The following RPA3 variants were observed in gnomAD, a reference collection of about 807,000 sequenced individuals.
RPA3 encodes the protein replication protein A3, also known as replication protein A 14 kDa subunit.
In RPA3, 24 loss-of-function variants were observed where a neutral mutation model predicts 13.7. That is an observed-to-expected ratio of 1.75 (90% CI 1.27 to 2.46). The LOEUF (loss-of-function observed/expected upper bound fraction) is 2.46, where lower values mean the gene tolerates loss of function less well. RPA3 is among the 30% of genes most tolerant of loss of function. The pLI, the probability that RPA3 is intolerant of heterozygous loss-of-function variation, is 0.00. For missense variants in RPA3, 183 were observed against 151.0 expected, an observed-to-expected ratio of 1.21 and a Z score of -1.11; for synonymous variants, 59 against 51.2, an observed-to-expected ratio of 1.15 and a Z score of -0.65.
chr7:7,670,575 C>G (rs763261991), intron 4 of RPA3, among the ~76,000 whole-genome samples: 16 of 152,194 alleles, frequency 1.1e-4, no homozygotes, highest in Admixed American at 2.6e-4. Flanking sequence ...TAACTCACCC[C>G]TCCCCAAGGC....
In RPA3 at chr7:7,639,148, A is replaced by C; in HGVS notation, c.100-4T>G. 6.2e-7 allele frequency: 1 copy of C among 1,605,046 alleles called. No individual in the cohort carries two copies. Among genetic ancestry groups the C allele is most frequent in the Non-Finnish European group, 8.5e-7 (1 of 1,175,550 alleles). On this transcript the variant is annotated splice_polypyrimidine_tract_variant and splice_region_variant and intron_variant, in intron 5 of 7. Transcript: ENST00000223129. ...ACATTTTTCCGGTGGGATGAATCTA[A>C]AAACGAAACATATAATTAAAATCTC...
At chr7:7,642,535 TAGAA>T (rs1230971776) in intron 4 of RPA3, among the ~76,000 whole-genome samples, 3 of 152,102 alleles carry the variant, frequency 2.0e-5, no homozygotes, top group South Asian at 2.1e-4. Flanking sequence ...TACCTGCAGT[TAGAA>T]AGACCACTTT....
chr7:7,707,741 C>A (rs1780642343), intron 2 of RPA3, among the ~76,000 whole-genome samples: 1 of 152,066 alleles, frequency 6.6e-6, no homozygotes, highest in Non-Finnish European at 1.5e-5. Context: ...TAAAAATCGG[C>A]CAAGGTATCT....
chr7:7,711,523 G>A (rs1780763834), intron 2 of RPA3, among the ~76,000 whole-genome samples: 1 of 152,084 alleles, frequency 6.6e-6, no homozygotes. Flanking sequence ...ATGTAATACT[G>A]TGAGACTTAA....
chr7:7,675,759 C>T (rs1432285379), intron 4 of RPA3, among the ~76,000 whole-genome samples: 4 of 152,172 alleles, frequency 2.6e-5, no homozygotes, highest in Admixed American at 2.6e-4. Context: ...GGTGAGGAAT[C>T]ACTTCCGTCG....
At chr7:7,681,009 C>A (rs1039443861) in intron 4 of RPA3, among the ~76,000 whole-genome samples, 1 of 151,830 alleles carries the variant, frequency 6.6e-6, no homozygotes, top group Admixed American at 6.6e-5. Context: ...GTGTGCAATA[C>A]GTACATTACA....
chr7:7,673,987 T>A (rs1018361860), intron 4 of RPA3, among the ~76,000 whole-genome samples: 2 of 152,346 alleles, frequency 1.3e-5, no homozygotes, highest in Middle Eastern at 3.4e-3. Context: ...AATACAGTGT[T>A]CTTCACCAGG....
chr7:7,681,972 G>A (rs1008676071), intron 4 of RPA3, among the ~76,000 whole-genome samples: 9 of 152,066 alleles, frequency 5.9e-5, no homozygotes, highest in Admixed American at 3.9e-4. Flanking sequence ...AAAAGTAATA[G>A]GATATAAATG....
At chr7:7,696,587 G>C (rs1289089841) in intron 2 of RPA3, among the ~76,000 whole-genome samples, 1 of 152,136 alleles carries the variant, frequency 6.6e-6, no homozygotes, top group African/African-American at 2.4e-5. Context: ...AGTGTCAACT[G>C]TCTGAAATTT....
chr7:7,697,483 T>C (rs926080489), intron 2 of RPA3, among the ~76,000 whole-genome samples: 48 of 152,342 alleles, frequency 3.2e-4, no homozygotes, highest in African/African-American at 1.1e-3. Flanking sequence ...AAATGGCTAA[T>C]GTAAAATTCA....
chr7:7,642,743 A>G (rs1785003176), intron 4 of RPA3, among the ~76,000 whole-genome samples: 1 of 152,190 alleles, frequency 6.6e-6, no homozygotes, highest in Non-Finnish European at 1.5e-5. Context: ...GAAGAAATGG[A>G]ACTTTACCAG....
At chr7:7,667,484 A>G (rs990799954) in intron 4 of RPA3, among the ~76,000 whole-genome samples, 14 of 152,174 alleles carry the variant, frequency 9.2e-5, no homozygotes, top group African/African-American at 3.4e-4. Flanking sequence ...TCTGCTAAGG[A>G]TTGCCTCAGA....
chr7:7,717,276 C>T (rs1191207917), intron 1 of RPA3, among the ~76,000 whole-genome samples: 7 of 152,030 alleles, frequency 4.6e-5, no homozygotes. Flanking sequence ...TGGCTGGTCT[C>T]GAACTCCTGA....
intron 2 of RPA3, among the ~76,000 whole-genome samples, chr7:7,691,775 A>G (rs536649901): frequency 5.8e-4 from 88 of 152,314 alleles, no homozygotes; most frequent in African/African-American, 2.0e-3. Context: ...ATTTGATGGT[A>G]TTGAAGTGTT....
intron 4 of RPA3, among the ~76,000 whole-genome samples, chr7:7,674,001 G>A (rs1779677375): frequency 6.6e-6 from 1 of 152,158 alleles, no homozygotes; most frequent in African/African-American, 2.4e-5. Context: ...CACCAGGGGA[G>A]TTCTGAAAAG....
chr7:7,641,238 T>G (rs1300461577), intron 4 of RPA3, 63 bp from the exon 5 acceptor site: 1 of 152,192 alleles, frequency 6.6e-6, no homozygotes, highest in African/African-American at 2.4e-5. Context: ...CTGGCCACAC[T>G]GCGGAGGCGC....
chr7:7,658,048 C>G (rs1291787703), intron 4 of RPA3, among the ~76,000 whole-genome samples: 3 of 152,042 alleles, frequency 2.0e-5, no homozygotes, highest in Admixed American at 6.5e-5. Context: ...AGTTGGATTC[C>G]TAGGTATTTT....
chr7:7,700,382 A>C (rs905417354), intron 2 of RPA3, among the ~76,000 whole-genome samples: 2 of 152,222 alleles, frequency 1.3e-5, no homozygotes. Flanking sequence ...TTTTGAGGGA[A>C]CACAAATATT....
chr7:7,691,030 G>A (rs909230488), intron 2 of RPA3, among the ~76,000 whole-genome samples: 1 of 152,164 alleles, frequency 6.6e-6, no homozygotes, highest in African/African-American at 2.4e-5. Context: ...GTAGAGCTCA[G>A]CATGGTACAA....
Sources: allele counts gnomAD v4.1 joint callset (sites outside exome capture counted in the v4.1 genomes callset), GRCh38; gene constraint gnomAD v4.1.1; transcripts MANE v1.5; gene names NCBI Gene and HGNC (gene_info 2026-07-23, HGNC 2026-07-21).